DHRSX: variants seen among roughly 807,000 people sequenced by gnomAD.
DHRSX encodes polyprenol dehydrogenase.
DHRSX carries 31 observed loss-of-function variants against 34.0 expected under a neutral mutation model. The ratio of observed to expected loss-of-function variants is 0.91; its 90% CI spans 0.69 to 1.23. The LOEUF is 1.23. Ranked by LOEUF, DHRSX falls within the 50% of genes most tolerant of loss-of-function variation. The probability of loss-of-function intolerance (pLI) is 0.00; values close to 1 mark genes in which losing one functional copy is unlikely to be tolerated. For synonymous variants in DHRSX, 201 were observed against 183.8 expected (o/e 1.09, Z -0.76); for missense variants, 414 against 428.1 (o/e 0.97, Z 0.29).
rs777654812 is a variant in DHRSX at position 2,481,564 on chromosome X, G to A, written c.109+19253C>T. Among the ~76,000 whole-genome samples, 48 of 152,050 alleles carry A rather than the reference G, an allele frequency of 3.2e-4. No homozygotes were observed. In the Middle Eastern group the frequency reaches 0.01, roughly 32 times the overall value. On this transcript the variant is annotated intron_variant, in intron 1 of 6. Transcript: ENST00000334651. ...ACCTGTAATCCCAGCTACTCAGGAG[G>A]CTGAGACAGGAGAATGGCTTGAACC...
At chrX:2,329,483 T>C (rs1437860771) in intron 3 of DHRSX, among the ~76,000 whole-genome samples, 3 of 152,166 alleles carry the variant, frequency 2.0e-5, no homozygotes, top group Admixed American at 2.0e-4. Flanking sequence ...GTGAAAGCAA[T>C]GATAGAAGAG....
intron 6 of DHRSX, among the ~76,000 whole-genome samples, chrX:2,222,568 G>A (rs35564007): frequency 0.33 from 50,813 of 151,998 alleles, 9,564 homozygotes; most frequent in East Asian, 0.75. Context: ...CCATTTGCCC[G>A]AACTGATTTC....
intron 3 of DHRSX, among the ~76,000 whole-genome samples, chrX:2,384,950 A>T (rs184232188): frequency 0.26 from 37,971 of 148,836 alleles, 5,607 homozygotes; most frequent in Non-Finnish European, 0.35. Flanking sequence ...AAGAAAAAAA[A>T]ATATATATAT....
chrX:2,265,503 C>A (rs1392361766), intron 5 of DHRSX, among the ~76,000 whole-genome samples: 1 of 122,904 alleles, frequency 8.1e-6, no homozygotes, highest in Non-Finnish European at 1.7e-5. Flanking sequence ...GGAGCACTGT[C>A]CCCAGAGCAC....
At chrX:2,403,098 G>C (rs1167824168) in intron 3 of DHRSX, among the ~76,000 whole-genome samples, 3 of 152,014 alleles carry the variant, frequency 2.0e-5, no homozygotes, top group Non-Finnish European at 4.4e-5. Flanking sequence ...GGCCAGGCTG[G>C]TCTCGAACTC....
chrX:2,434,662 C>T (rs7882193), intron 1 of DHRSX, among the ~76,000 whole-genome samples: 26,138 of 152,128 alleles, frequency 0.17, 2,499 homozygotes, highest in Middle Eastern at 0.22. Flanking sequence ...CAGAGCAAGA[C>T]GCTGTCTCTT....
chrX:2,348,561 G>A (rs73630285), intron 3 of DHRSX, among the ~76,000 whole-genome samples: 3,008 of 152,222 alleles, frequency 0.02, 101 homozygotes, highest in African/African-American at 0.068. Flanking sequence ...AGAGGTCCAG[G>A]CAGCAACCAT....
chrX:2,231,933 TTCC>T (rs1230719995), intron 6 of DHRSX, among the ~76,000 whole-genome samples: 5 of 150,462 alleles, frequency 3.3e-5, no homozygotes, highest in South Asian at 2.1e-4. Context: ...TATCTTTCTC[TTCC>T]TCTTCTCTCC....
At chrX:2,500,730 C>T in intron 1 of DHRSX, 87 bp downstream of exon 1, 1 of 543,242 alleles carries the variant, frequency 1.8e-6, no homozygotes, top group Non-Finnish European at 2.4e-6. Flanking sequence ...TCGCCAAGGT[C>T]ACGCGGAGCC....
At chrX:2,421,247 G>A (rs2043775833) in intron 2 of DHRSX, among the ~76,000 whole-genome samples, 1 of 152,062 alleles carries the variant, frequency 6.6e-6, no homozygotes, top group South Asian at 2.1e-4. Flanking sequence ...AAGCCTGGTG[G>A]TGCACGCCTG....
intron 3 of DHRSX, among the ~76,000 whole-genome samples, chrX:2,299,883 A>T (rs2041991047): frequency 6.6e-6 from 1 of 152,012 alleles, no homozygotes. Context: ...CTTCATCCAC[A>T]GAAGAATTTC....
chrX:2,283,729 G>A (rs1251905272), intron 4 of DHRSX, among the ~76,000 whole-genome samples: 1 of 152,176 alleles, frequency 6.6e-6, no homozygotes, highest in Admixed American at 6.5e-5. Context: ...TCATTTGAAT[G>A]AACTCATTAG....
chrX:2,313,002 A>ATTT (rs1440342816), intron 3 of DHRSX, among the ~76,000 whole-genome samples: 1,878 of 106,990 alleles, frequency 0.018, 44 homozygotes, highest in African/African-American at 0.064. Flanking sequence ...GCTTCAAGAT[A>ATTT]TATATTTTTT....
At chrX:2,294,216 A>G (rs2041902613) in intron 3 of DHRSX, among the ~76,000 whole-genome samples, 1 of 152,038 alleles carries the variant, frequency 6.6e-6, no homozygotes, top group Non-Finnish European at 1.5e-5. Flanking sequence ...GGGAGACAGT[A>G]AAAGGGACAA....
At chrX:2,439,682 C>T (rs1172108198) in intron 1 of DHRSX, among the ~76,000 whole-genome samples, 1 of 152,130 alleles carries the variant, frequency 6.6e-6, no homozygotes, top group African/African-American at 2.4e-5. Flanking sequence ...TGATGAGAGC[C>T]AGTGACAGAT....
chrX:2,326,321 G>C (rs1200082317), intron 3 of DHRSX, among the ~76,000 whole-genome samples: 1 of 152,086 alleles, frequency 6.6e-6, no homozygotes. Context: ...TCAGGAGTTC[G>C]AGACCAGCCT....
At position 2,242,436 on chromosome X, in the gene DHRSX, T is replaced by C. The variant is rs186995681; in HGVS notation, c.804+587A>G. Among the ~76,000 whole-genome samples, 422 of 152,208 alleles carry C rather than the reference T, an allele frequency of 2.8e-3. 5 individuals are homozygous for C. The highest frequency in any genetic ancestry group is 9.4e-3 in the African/African-American group (389 of 41,542). On this transcript the variant is annotated intron_variant, in intron 6 of 6. Coordinates refer to ENST00000334651, the MANE Select transcript of DHRSX (RefSeq NM_145177.3). ...AGCCTGGAAGTGGTTGTGTCAGAGC[T>C]GTGTGAACCAGCGTGACTCCATCTT...
At position 2,438,624 on chromosome X, in the gene DHRSX, C is replaced by T. The variant is rs1347738445; in HGVS notation, c.110-13320G>A. Among the ~76,000 whole-genome samples the T allele has an allele frequency of 7.4e-5, 11 of 149,550 alleles. No homozygotes were observed. The East Asian group carries it at 1.8e-3, about 25-fold the overall frequency. On this transcript the variant is annotated intron_variant, in intron 1 of 6. Coordinates refer to ENST00000334651, the MANE Select transcript of DHRSX (RefSeq NM_145177.3). ...CGGACATTGCGGTGAGCCGAGATCA[C>T]GCCACTGCACTCCAGCCTGGGGGAC...
chrX:2,401,014 G>A (rs922489549), intron 3 of DHRSX, among the ~76,000 whole-genome samples: 6 of 151,488 alleles, frequency 4.0e-5, no homozygotes, highest in African/African-American at 1.5e-4. Context: ...AAACAAACTT[G>A]GTCTAATAAC....
Sources: allele counts gnomAD v4.1 joint callset (sites outside exome capture counted in the v4.1 genomes callset), GRCh38; gene constraint gnomAD v4.1.1; transcripts MANE v1.5; gene names NCBI Gene and HGNC (gene_info 2026-07-23, HGNC 2026-07-21).